DOCK5: variants seen among roughly 807,000 people sequenced by gnomAD.
The protein encoded by DOCK5 is dedicator of cytokinesis 5.
DOCK5 carries 142 observed loss-of-function variants against 251.8 expected under a neutral mutation model. That is an observed-to-expected ratio of 0.56 (90% CI 0.49 to 0.65). The LOEUF (loss-of-function observed/expected upper bound fraction) is 0.65, where lower values mean the gene tolerates loss of function less well. Among genes scored for constraint, DOCK5 ranks in the 30% least tolerant of loss-of-function variants. The pLI is 0.00. For synonymous variants in DOCK5, 842 were observed against 835.5 expected (o/e 1.01, Z -0.13); for missense variants, 2,111 against 2,312.3 (o/e 0.91, Z 1.79).
At chr8:25,331,230 G>GACACACACACACACAC (rs60869427) in intron 18 of DOCK5, among the ~76,000 whole-genome samples, 5 of 140,264 alleles carry the variant, frequency 3.6e-5, no homozygotes, top group African/African-American at 1.3e-4. Context: ...GTTTCTCTGT[G>GACACACACACACACAC]ACACACACAC....
At chr8:25,379,735 G>C (rs1801029800) in intron 38 of DOCK5, among the ~76,000 whole-genome samples, 1 of 152,062 alleles carries the variant, frequency 6.6e-6, no homozygotes, top group Non-Finnish European at 1.5e-5. Context: ...CACAATTTAT[G>C]TTCCTCTGCC....
At chr8:25,253,515 T>A (rs558790814) in intron 2 of DOCK5, among the ~76,000 whole-genome samples, 2 of 152,298 alleles carry the variant, frequency 1.3e-5, no homozygotes, top group South Asian at 4.1e-4. Context: ...TTATTTTTTT[T>A]AAATGCGTTA....
At chr8:25,303,334 C>T (rs1243757510) in intron 10 of DOCK5, among the ~76,000 whole-genome samples, 1 of 152,164 alleles carries the variant, frequency 6.6e-6, no homozygotes, top group African/African-American at 2.4e-5. Context: ...TTGGAATCCT[C>T]CCTGTCTGGG....
At position 25,247,219 on chromosome 8, in the gene DOCK5, A is replaced by AT. The variant is rs574428059; in HGVS notation, c.127+3470dup. Among the ~76,000 whole-genome samples, 7 of 151,956 alleles carry AT rather than the reference A, an allele frequency of 4.6e-5. No individual in the cohort carries two copies. In the South Asian group the frequency reaches 1.5e-3, roughly 32 times the overall value. On this transcript the variant is annotated intron_variant, in intron 2 of 51. Transcript: ENST00000276440. ...TGATACCTTTAAAATATTTCTTCAA[A>AT]TTTTTTTTCATTTTTATGTGACCTC...
At chr8:25,221,535 T>C (rs953839861) in intron 1 of DOCK5, among the ~76,000 whole-genome samples, 1 of 152,072 alleles carries the variant, frequency 6.6e-6, no homozygotes, top group African/African-American at 2.4e-5. Context: ...TCTCAATCTC[T>C]TGACCTTGTG....
intron 13 of DOCK5, among the ~76,000 whole-genome samples, chr8:25,316,666 TCAAAATATCAC>T (rs756441781): frequency 2.4e-4 from 36 of 152,280 alleles, no homozygotes; most frequent in Non-Finnish European, 4.1e-4. Context: ...TCAGATGTAT[TCAAAATATCAC>T]ACTCTCCAAG....
rs528859559 is a variant in DOCK5, at chr8:25,398,932, CTTTG to C, written c.4705-974_4705-971del. Among the ~76,000 whole-genome samples the C allele has an allele frequency of 3.1e-3, 471 of 152,320 alleles. 3 individuals carry two copies. The highest frequency in any genetic ancestry group is 0.011 in the African/African-American group (441 of 41,562). On this transcript the variant is annotated intron_variant, in intron 45 of 51. Coordinates refer to ENST00000276440, the MANE Select transcript of DOCK5 (RefSeq NM_024940.8). The stretch of plus-strand genomic sequence containing the variant: ...GCTCGCAAGATAGGCTTTGCACATA[CTTTG>C]TTTGCCACGCAAAATGGGCCATTCA...
At chr8:25,294,906 C>G (rs1393424098) in intron 6 of DOCK5, among the ~76,000 whole-genome samples, 1 of 151,958 alleles carries the variant, frequency 6.6e-6, no homozygotes, top group Non-Finnish European at 1.5e-5. Flanking sequence ...AACCAGATCT[C>G]GTGAGAACTC....
intron 2 of DOCK5, among the ~76,000 whole-genome samples, chr8:25,252,586 C>T (rs969003453): frequency 2.6e-5 from 4 of 152,192 alleles, no homozygotes; most frequent in Non-Finnish European, 4.4e-5. Context: ...TGCTTGGTCA[C>T]TTCCCACATC....
At chr8:25,353,196 C>A (rs1238018758) in intron 27 of DOCK5, among the ~76,000 whole-genome samples, 1 of 152,072 alleles carries the variant, frequency 6.6e-6, no homozygotes, top group Non-Finnish European at 1.5e-5. Context: ...AAAAATTAGC[C>A]AGGTGCAGTG....
chr8:25,344,404 A>G (rs887967857), intron 25 of DOCK5, among the ~76,000 whole-genome samples: 1 of 152,134 alleles, frequency 6.6e-6, no homozygotes, highest in Non-Finnish European at 1.5e-5. Flanking sequence ...CATTTTATGT[A>G]TGTATATTGC....
intron 5 of DOCK5, among the ~76,000 whole-genome samples, chr8:25,286,177 C>A (rs1457277498): frequency 6.6e-6 from 1 of 151,992 alleles, no homozygotes; most frequent in African/African-American, 2.4e-5. Flanking sequence ...CACAGAAGGA[C>A]CCAAACACCC....
At chr8:25,193,383 T>C (rs1350636453) in intron 1 of DOCK5, among the ~76,000 whole-genome samples, 1 of 147,058 alleles carries the variant, frequency 6.8e-6, no homozygotes, top group Non-Finnish European at 1.5e-5. Flanking sequence ...CATTACAGCT[T>C]TTTTTTTTTT....
chr8:25,408,711 G>GC, intron 49 of DOCK5, 91 bp from the exon 50 acceptor site: 2 of 1,478,654 alleles, frequency 1.4e-6, no homozygotes, highest in South Asian at 2.4e-5. Flanking sequence ...CCTTTTCCAA[G>GC]TGTCTTCTCA....
intron 1 of DOCK5, among the ~76,000 whole-genome samples, chr8:25,205,514 C>A (rs747274103): frequency 6.6e-6 from 1 of 152,196 alleles, no homozygotes; most frequent in African/African-American, 2.4e-5. Context: ...ATTTGAAATA[C>A]GAGTCCACTG....
intron 34 of DOCK5, 151 bp from the exon 35 acceptor site, chr8:25,372,408 C>T (rs1184366236): frequency 2.8e-5 from 19 of 676,482 alleles, no homozygotes; most frequent in South Asian, 1.1e-4. Flanking sequence ...GTGTGTGTGT[C>T]GGCTTAACTG....
At chr8:25,229,901 G>A (rs1056705209) in intron 1 of DOCK5, among the ~76,000 whole-genome samples, 1 of 151,880 alleles carries the variant, frequency 6.6e-6, no homozygotes, top group Non-Finnish European at 1.5e-5. Context: ...CACTAATGTG[G>A]CCCTTGAAAA....
chr8:25,244,236 T>C (rs1268682283), intron 2 of DOCK5, among the ~76,000 whole-genome samples: 1 of 152,226 alleles, frequency 6.6e-6, no homozygotes, highest in Admixed American at 6.5e-5. Flanking sequence ...GAAAGCCTGA[T>C]TGTATATCTC....
intron 38 of DOCK5, among the ~76,000 whole-genome samples, chr8:25,377,646 G>T (rs1293240755): frequency 2.0e-5 from 3 of 152,122 alleles, no homozygotes; most frequent in Non-Finnish European, 4.4e-5. Flanking sequence ...GGCTTCCACT[G>T]CCCCCTCAGG....
Sources: allele counts gnomAD v4.1 joint callset (sites outside exome capture counted in the v4.1 genomes callset), GRCh38; gene constraint gnomAD v4.1.1; transcripts MANE v1.5; gene names NCBI Gene and HGNC (gene_info 2026-07-23, HGNC 2026-07-21).